The following ANXA8 variants were observed in gnomAD, a reference collection of about 807,000 sequenced individuals.
The protein encoded by ANXA8 is annexin A8.
A neutral mutation model predicts 26.8 loss-of-function variants in ANXA8; 9 were observed. The ratio of observed to expected loss-of-function variants is 0.34; its 90% CI spans 0.20 to 0.59. The LOEUF is 0.59. Ranked by LOEUF, ANXA8 falls within the 20% of genes least tolerant of loss-of-function variation. ANXA8 has a pLI of 0.84. For synonymous variants in ANXA8, 39 were observed against 94.8 expected, an observed-to-expected ratio of 0.41 and a Z score of 3.42; for missense variants, 83 against 238.5, an observed-to-expected ratio of 0.35 and a Z score of 4.29.
the ANXA8 span, among the ~76,000 whole-genome samples, chr10:47,639,126 G>GT: frequency 4.8e-5 from 7 of 144,664 alleles, no homozygotes; most frequent in East Asian, 1.9e-4. Context: ...TTTTGTTTTT[G>GT]TTTTTTTTCT....
the ANXA8 span, among the ~76,000 whole-genome samples, chr10:47,658,032 A>G: frequency 2.6e-5 from 4 of 151,838 alleles, no homozygotes; most frequent in Non-Finnish European, 5.9e-5. Flanking sequence ...CATGTGAAGT[A>G]TCTTTTCCAA....
the ANXA8 span, among the ~76,000 whole-genome samples, chr10:47,530,536 C>A: frequency 7.1e-6 from 1 of 141,222 alleles, no homozygotes; most frequent in African/African-American, 2.7e-5. Context: ...AAAAAAAAAT[C>A]ACAAAAATTA....
chr10:47,672,089 G>A, the ANXA8 span, among the ~76,000 whole-genome samples: 5 of 150,368 alleles, frequency 3.3e-5, no homozygotes, highest in East Asian at 1.9e-4. Flanking sequence ...TCATCAAAAC[G>A]TTGTTCTTGT....
At chr10:47,685,811 G>GT in the ANXA8 span, among the ~76,000 whole-genome samples, 1 of 149,074 alleles carries the variant, frequency 6.7e-6, no homozygotes, top group Non-Finnish European at 1.5e-5. Flanking sequence ...GTGAAGCACT[G>GT]TGAGTTCTTA....
the ANXA8 span, among the ~76,000 whole-genome samples, chr10:47,630,874 C>T: frequency 0.037 from 5,432 of 146,800 alleles, 311 homozygotes; most frequent in African/African-American, 0.082. Context: ...CTTTGATACA[C>T]TCTACCAGTG....
At chr10:47,942,602 G>T in the ANXA8 span, among the ~76,000 whole-genome samples, 1 of 142,876 alleles carries the variant, frequency 7.0e-6, no homozygotes, top group Admixed American at 7.0e-5. Context: ...GTTTGGACAA[G>T]AGACTGGAGC....
chr10:47,973,125 C>T, the ANXA8 span: 1 of 132,334 alleles, frequency 7.6e-6, no homozygotes, highest in African/African-American at 2.8e-5. Flanking sequence ...CACACACACA[C>T]CTGCCTTCTC....
the ANXA8 span, among the ~76,000 whole-genome samples, chr10:47,958,491 G>A: frequency 6.2e-5 from 9 of 145,596 alleles, no homozygotes; most frequent in Non-Finnish European, 1.3e-4. Context: ...AAAAAAAAAA[G>A]TGTCATCTCC....
the ANXA8 span, among the ~76,000 whole-genome samples, chr10:47,970,673 A>C: frequency 6.6e-6 from 1 of 151,372 alleles, no homozygotes; most frequent in Non-Finnish European, 1.5e-5. Context: ...TTACATATTT[A>C]ATTCCTAAGG....
the ANXA8 span, among the ~76,000 whole-genome samples, chr10:47,652,740 G>A: frequency 1.4e-5 from 2 of 139,012 alleles, no homozygotes; most frequent in South Asian, 2.1e-4. Flanking sequence ...GTAGTTGAAT[G>A]CCACTGACCC....
chr10:47,554,421 G>A, the ANXA8 span, among the ~76,000 whole-genome samples: 1 of 151,022 alleles, frequency 6.6e-6, no homozygotes, highest in East Asian at 2.0e-4. Context: ...CGCCTTCCCT[G>A]CTCCCGGGAA....
At chr10:47,735,066 A>G in the ANXA8 span, among the ~76,000 whole-genome samples, 2 of 150,072 alleles carry the variant, frequency 1.3e-5, no homozygotes, top group African/African-American at 2.5e-5. Flanking sequence ...GTTTTCCTTT[A>G]AACAAAAACG....
chr10:47,584,162 G>A, the ANXA8 span, among the ~76,000 whole-genome samples: 1 of 149,576 alleles, frequency 6.7e-6, no homozygotes, highest in African/African-American at 2.5e-5. Flanking sequence ...CTGGGCGAGA[G>A]GAGACCCTGT....
chr10:47,684,882 A>G, the ANXA8 span, among the ~76,000 whole-genome samples: 1 of 149,074 alleles, frequency 6.7e-6, no homozygotes, highest in Non-Finnish European at 1.5e-5. Context: ...CACCGCGCCC[A>G]GCCTGCGATT....
At chr10:47,699,948 TAAC>T in the ANXA8 span, among the ~76,000 whole-genome samples, 8 of 151,746 alleles carry the variant, frequency 5.3e-5, no homozygotes, top group Admixed American at 2.6e-4. Flanking sequence ...AAAATACAGT[TAAC>T]AAGAAATATG....
chr10:47,557,336 A>G, the ANXA8 span, among the ~76,000 whole-genome samples: 1 of 151,334 alleles, frequency 6.6e-6, no homozygotes. Flanking sequence ...CTTAGCTCCT[A>G]TATGCAGTGC....
At chr10:47,566,959 G>A in the ANXA8 span, among the ~76,000 whole-genome samples, 1 of 148,008 alleles carries the variant, frequency 6.8e-6, no homozygotes, top group Non-Finnish European at 1.5e-5. Context: ...TGGCTCCACT[G>A]GGCGGGGAGC....
At chr10:47,681,462 C>T in the ANXA8 span, among the ~76,000 whole-genome samples, 1 of 149,996 alleles carries the variant, frequency 6.7e-6, no homozygotes, top group Non-Finnish European at 1.5e-5. Flanking sequence ...CAGGCATACC[C>T]CTGGCACCTA....
chr10:47,659,722 A>G, the ANXA8 span, among the ~76,000 whole-genome samples: 1 of 151,024 alleles, frequency 6.6e-6, no homozygotes, highest in East Asian at 1.9e-4. Flanking sequence ...GATTTTATGT[A>G]TGACATACCT....
Sources: allele counts gnomAD v4.1 joint callset (sites outside exome capture counted in the v4.1 genomes callset), GRCh38; gene constraint gnomAD v4.1.1; transcripts MANE v1.5; gene names NCBI Gene and HGNC (gene_info 2026-07-23, HGNC 2026-07-21).